The following RANBP17 variants were observed in gnomAD, a reference collection of about 807,000 sequenced individuals.
RANBP17 encodes the protein ran-binding protein 17.
In RANBP17, 158 loss-of-function variants were observed where a neutral mutation model predicts 141.2. The observed-to-expected ratio is 1.12, with a 90% CI of 0.98 to 1.28. The LOEUF is 1.28. RANBP17 is among the 50% of genes most tolerant of loss of function. RANBP17 has a pLI of 0.00. For synonymous variants in RANBP17, 430 were observed against 450.0 expected, an observed-to-expected ratio of 0.96 and a Z score of 0.56; for missense variants, 1,438 against 1,290.7, an observed-to-expected ratio of 1.11 and a Z score of -1.75.
At chr5:171,018,524 A>C (rs911486614) in intron 14 of RANBP17, among the ~76,000 whole-genome samples, 6 of 152,044 alleles carry the variant, frequency 3.9e-5, no homozygotes, top group African/African-American at 1.4e-4. Context: ...AGCAGTTGTG[A>C]ATGGGAGTTC....
chr5:170,904,061 T>G, intron 5 of RANBP17: 1 of 459,820 alleles, frequency 2.2e-6, no homozygotes, highest in Non-Finnish European at 4.3e-6. Flanking sequence ...CTAAACATAG[T>G]CTTTACCTCA....
At chr5:171,297,843 ATTCT>A (rs1377647573) in intron 27 of RANBP17, among the ~76,000 whole-genome samples, 4 of 115,528 alleles carry the variant, frequency 3.5e-5, no homozygotes, top group Non-Finnish European at 7.2e-5. Context: ...GACCCAATAA[ATTCT>A]TTTTTTTTTT....
At chr5:171,165,518 A>G (rs1759634893) in intron 14 of RANBP17, among the ~76,000 whole-genome samples, 1 of 152,150 alleles carries the variant, frequency 6.6e-6, no homozygotes, top group South Asian at 2.1e-4. Flanking sequence ...TTTATGGGTA[A>G]GAAACCAAGA....
intron 14 of RANBP17, among the ~76,000 whole-genome samples, chr5:171,057,190 AC>A (rs1362109957): frequency 6.6e-6 from 1 of 152,136 alleles, no homozygotes; most frequent in Non-Finnish European, 1.5e-5. Flanking sequence ...TTATGGAAAA[AC>A]TGAGTACCAC....
At chr5:171,078,058 G>T (rs895273667) in intron 14 of RANBP17, among the ~76,000 whole-genome samples, 4 of 152,140 alleles carry the variant, frequency 2.6e-5, no homozygotes, top group Non-Finnish European at 4.4e-5. Context: ...AGTTGCGGCA[G>T]GTTGTCCAAA....
chr5:171,082,230 T>C (rs757374727), intron 14 of RANBP17, among the ~76,000 whole-genome samples: 4 of 152,036 alleles, frequency 2.6e-5, no homozygotes, highest in Non-Finnish European at 4.4e-5. Context: ...CACACACACA[T>C]ATAGAATATA....
Position 170,971,435 on chromosome 5 carries a change from A to G in RANBP17, c.1710+3058A>G, listed in dbSNP as rs1581272573. ...TGTAGACATGGAAATTGAGGTTTAG[A>G]GGGGTTAACCAATGTGTTTAAGTGG... On this transcript the variant is annotated intron_variant, in intron 14 of 27. Transcript: ENST00000523189. Among the ~76,000 whole-genome samples the G allele has an allele frequency of 2.0e-5, 3 of 152,338 alleles. No homozygotes were observed. The South Asian group carries it at 6.2e-4, about 32-fold the overall frequency.
rs533306190 is a variant in RANBP17, at chr5:171,198,667, T to C, written c.2039-1003T>C. 2.0e-5 allele frequency among the ~76,000 whole-genome samples: 3 copies of C among 152,328 alleles called. 1 individual carries two copies. The East Asian group carries it at 5.8e-4, about 29-fold the overall frequency. ...ACATCTCACAAGTTCACAAGTGATG[T>C]TGATGCTCCCAGGTCAAGGACCAAA... On this transcript the variant is annotated intron_variant, in intron 18 of 27. Coordinates refer to ENST00000523189, the MANE Select transcript of RANBP17 (RefSeq NM_022897.5).
At chr5:171,053,098 G>A (rs750086924) in intron 14 of RANBP17, among the ~76,000 whole-genome samples, 27 of 152,270 alleles carry the variant, frequency 1.8e-4, no homozygotes, top group Middle Eastern at 3.4e-3. Context: ...GGGATTACAG[G>A]CGTGAGCCAC....
In RANBP17 at chr5:171,265,762, A is replaced by G. The variant is rs1465843784; in HGVS notation, c.2858A>G (p.Lys953Arg). The G allele has an allele frequency of 1.2e-6, 2 of 1,614,162 alleles. No individual in the cohort carries two copies. The highest frequency in any genetic ancestry group is 2.2e-5 in the South Asian group (2 of 91,078). Residue 953 changes from lysine to arginine, a missense_variant, in exon 25 of 28, where the codon AAG becomes AGG. Lys to Arg is a conservative substitution (Grantham distance 26). Transcript: ENST00000523189. ...TTCAAGCACATAGCAAAAGAGGGCA[A>G]GAAGCCACTTCGATGCAGAGAGGCT... is the stretch of plus-strand genomic sequence containing the variant. ...YLFKHIAKEG[K>R]KPLRCREATQ...
chr5:171,002,459 C>T (rs947215534), intron 14 of RANBP17, among the ~76,000 whole-genome samples: 7 of 152,038 alleles, frequency 4.6e-5, no homozygotes, highest in African/African-American at 1.7e-4. Flanking sequence ...GGAAGTAAAG[C>T]GGCCTTGAGA....
At chr5:170,983,630 G>A (rs866081780) in intron 14 of RANBP17, among the ~76,000 whole-genome samples, 44 of 152,226 alleles carry the variant, frequency 2.9e-4, no homozygotes, top group African/African-American at 1.0e-3. Flanking sequence ...CTTGAGTATT[G>A]GAATCAGATA....
intron 16 of RANBP17, among the ~76,000 whole-genome samples, chr5:171,171,735 A>T (rs915128432): frequency 6.6e-6 from 1 of 151,970 alleles, no homozygotes; most frequent in African/African-American, 2.4e-5. Flanking sequence ...CTTCAGTTGA[A>T]AAGAACATCA....
At chr5:171,287,728 G>GTTGTTTT (rs947866716) in intron 25 of RANBP17, among the ~76,000 whole-genome samples, 20 of 152,044 alleles carry the variant, frequency 1.3e-4, no homozygotes, top group African/African-American at 4.8e-4. Context: ...TGTTGTTGCT[G>GTTGTTTT]TTGTTTTTTG....
At chr5:171,033,536 G>T (rs150419708) in intron 14 of RANBP17, among the ~76,000 whole-genome samples, 1 of 152,162 alleles carries the variant, frequency 6.6e-6, no homozygotes, top group East Asian at 1.9e-4. Context: ...GGTTATTGTT[G>T]CTTTGGCTAA....
intron 14 of RANBP17, among the ~76,000 whole-genome samples, chr5:171,054,675 T>A (rs924854891): frequency 6.6e-6 from 1 of 152,142 alleles, no homozygotes; most frequent in Non-Finnish European, 1.5e-5. Context: ...TCCTGTGACT[T>A]AGAATGCCTA....
In RANBP17 at chr5:171,082,085, GTTC is replaced by G. The variant is rs375975746; in HGVS notation, c.1711-88038_1711-88036del. Among the ~76,000 whole-genome samples the G allele has an allele frequency of 4.3e-4, 66 of 152,174 alleles. 1 individual carries two copies. In the South Asian group the frequency reaches 0.012, roughly 29 times the overall value. On this transcript the variant is annotated intron_variant, in intron 14 of 27. Coordinates refer to ENST00000523189, the MANE Select transcript of RANBP17 (RefSeq NM_022897.5). Reference sequence around the variant, plus strand: ...AATTTTTGTTACAGCATTTCTAAATGTTCTTCTTCCTAGCCCTTAAAGCAGATA... The same window carrying G: ...AATTTTTGTTACAGCATTTCTAAATGTTCTTCCTAGCCCTTAAAGCAGATA...
chr5:171,103,381 G>A (rs1456130408), intron 14 of RANBP17, among the ~76,000 whole-genome samples: 1 of 152,150 alleles, frequency 6.6e-6, no homozygotes, highest in Non-Finnish European at 1.5e-5. Context: ...CAAAATTCCT[G>A]GCAGCTTTGT....
chr5:170,967,505 A>T (rs975898808), intron 13 of RANBP17, among the ~76,000 whole-genome samples: 2 of 151,828 alleles, frequency 1.3e-5, no homozygotes, highest in Admixed American at 1.3e-4. Context: ...AATAGATAAT[A>T]TTGAAGGATT....
Sources: gnomAD v4.1 joint callset for allele counts (sites outside exome capture counted in the v4.1 genomes callset) on GRCh38, gnomAD v4.1.1 for gene constraint, MANE v1.5 for transcripts, NCBI Gene and HGNC (gene_info 2026-07-23, HGNC 2026-07-21) for gene names.